OLFM2: variants seen among roughly 807,000 people sequenced by gnomAD.
OLFM2 encodes the protein olfactomedin 2.
A neutral mutation model predicts 43.9 loss-of-function variants in OLFM2; 20 were observed. The ratio of observed to expected loss-of-function variants is 0.46; its 90% CI spans 0.32 to 0.66. The LOEUF (loss-of-function observed/expected upper bound fraction) is 0.66, where lower values mean the gene tolerates loss of function less well. Among genes scored for constraint, OLFM2 ranks in the 30% least tolerant of loss-of-function variants. The pLI, the probability that OLFM2 is intolerant of heterozygous loss-of-function variation, is 0.04. For synonymous variants in OLFM2, 268 were observed against 278.6 expected (o/e 0.96, Z 0.38); for missense variants, 416 against 643.6 (o/e 0.65, Z 3.83).
rs555625506 is a variant in OLFM2, at chr19:9,906,773, T to G, written c.63+29531A>C. ...CTGCCTTTTCCCGCCTGGCTTGGCC[T>G]TCCCCATCTCCTGGGCAATCCACTC... On this transcript the variant is annotated intron_variant, in intron 1 of 5. Transcript: ENST00000264833. Among the ~76,000 whole-genome samples the G allele has an allele frequency of 2.1e-3, 315 of 152,234 alleles. 3 individuals are homozygous for G. Among genetic ancestry groups the G allele is most frequent in the Non-Finnish European group, 2.1e-3 (146 of 68,016 alleles).
intron 1 of OLFM2, among the ~76,000 whole-genome samples, chr19:9,920,257 C>T (rs1361258603): frequency 6.6e-6 from 1 of 152,086 alleles, no homozygotes; most frequent in East Asian, 1.9e-4. Flanking sequence ...CCAGCCTGGG[C>T]AACAGAGCAA....
intron 1 of OLFM2, among the ~76,000 whole-genome samples, chr19:9,893,551 A>G (rs1430946491): frequency 6.6e-6 from 1 of 152,122 alleles, no homozygotes; most frequent in Non-Finnish European, 1.5e-5. Context: ...ACCTGAGCTG[A>G]GCCTGGTCTA....
At chr19:9,913,587 CG>C in intron 1 of OLFM2, 2 of 1,300,440 alleles carry the variant, frequency 1.5e-6, no homozygotes, top group Non-Finnish European at 9.9e-7. Context: ...GTGCTCAGCA[CG>C]GCCCCGATCT....
chr19:9,931,741 A>G (rs1044233183), intron 1 of OLFM2, among the ~76,000 whole-genome samples: 1 of 151,938 alleles, frequency 6.6e-6, no homozygotes, highest in African/African-American at 2.4e-5. Flanking sequence ...ATAAAAAGAA[A>G]AAGTTATTGT....
intron 1 of OLFM2, among the ~76,000 whole-genome samples, chr19:9,932,252 C>A (rs1002388145): frequency 6.6e-6 from 1 of 151,948 alleles, no homozygotes; most frequent in African/African-American, 2.4e-5. Context: ...GAGTTCAAGA[C>A]CAGCCTGGCC....
At chr19:9,890,693 C>T (rs375028173) in intron 1 of OLFM2, among the ~76,000 whole-genome samples, 2 of 152,096 alleles carry the variant, frequency 1.3e-5, no homozygotes, top group Admixed American at 6.6e-5. Context: ...TGGCTCACAC[C>T]TGTAATCCCA....
At chr19:9,930,295 T>C (rs2145011532) in intron 1 of OLFM2, among the ~76,000 whole-genome samples, 1 of 152,374 alleles carries the variant, frequency 6.6e-6, no homozygotes, top group African/African-American at 2.4e-5. Flanking sequence ...TTATTCATTA[T>C]AGATTTTTCT....
intron 1 of OLFM2, among the ~76,000 whole-genome samples, chr19:9,909,855 C>G (rs2046814636): frequency 6.6e-6 from 1 of 152,162 alleles, no homozygotes; most frequent in African/African-American, 2.4e-5. Context: ...ACAACCCCTC[C>G]TTACTAAACA....
chr19:9,874,227 CT>C (rs1454337117), intron 1 of OLFM2, among the ~76,000 whole-genome samples: 1 of 151,702 alleles, frequency 6.6e-6, no homozygotes, highest in African/African-American at 2.4e-5. Flanking sequence ...TATCACATGT[CT>C]TTAGACTTAT....
chr19:9,879,193 C>T (rs8105434), intron 1 of OLFM2, among the ~76,000 whole-genome samples: 2,341 of 152,262 alleles, frequency 0.015, 50 homozygotes, highest in African/African-American at 0.052. Context: ...GGTACAATGG[C>T]GCAATCTCAG....
At position 9,936,300 on chromosome 19, in the gene OLFM2, C is replaced by T. The variant is rs1356950542; in HGVS notation, c.63+4G>A. ...GCGCCCGCACCTGCCCGCCGGGCCCCTACCTGTCCGGCCAGGCCTGAGCAC... is the reference window on the plus strand; with the variant it reads ...GCGCCCGCACCTGCCCGCCGGGCCCTTACCTGTCCGGCCAGGCCTGAGCAC... On this transcript the variant is annotated splice_donor_region_variant and intron_variant, in intron 1 of 5. Coordinates refer to ENST00000264833, the MANE Select transcript of OLFM2 (RefSeq NM_058164.4). The T allele has an allele frequency of 6.5e-7, 1 of 1,528,466 alleles. No individual in the cohort carries two copies. The highest frequency in any genetic ancestry group is 1.4e-5 in the African/African-American group (1 of 72,358). 94.7% of individuals were successfully genotyped at this position (1,528,466 alleles called of 1,614,324 possible). A position where few individuals can be genotyped will look rare whatever the true frequency, so the allele number is the denominator to read the frequency against.
rs113437556 is a variant in OLFM2, at chr19:9,886,936, G to A, written c.64-26142C>T. On this transcript the variant is annotated intron_variant, in intron 1 of 5. Transcript: ENST00000264833. ...TGACCTCAGGTGATCTGCCTGCCTC[G>A]GCCTCCCAGTGTTGGGATTACAGGT... Among the ~76,000 whole-genome samples the A allele has an allele frequency of 6.6e-5, 10 of 151,940 alleles. No homozygotes were observed. In the East Asian group the frequency reaches 7.8e-4, roughly 12 times the overall value.
chr19:9,913,196 T>TATTCG (rs2046842868), intron 1 of OLFM2, among the ~76,000 whole-genome samples: 1 of 152,024 alleles, frequency 6.6e-6, no homozygotes, highest in Non-Finnish European at 1.5e-5. Context: ...CCTGGTACGC[T>TATTCG]ATTCGCGCTC....
chr19:9,909,474 G>A (rs926431759), intron 1 of OLFM2, among the ~76,000 whole-genome samples: 2 of 152,056 alleles, frequency 1.3e-5, no homozygotes, highest in South Asian at 2.1e-4. Context: ...TCCTCCCCAC[G>A]TCTTCCCAGA....
chr19:9,889,920 A>AT (rs149190423), intron 1 of OLFM2, among the ~76,000 whole-genome samples: 54,275 of 147,538 alleles, frequency 0.37, 10,108 homozygotes, highest in South Asian at 0.44. Context: ...ATAAATTCCA[A>AT]TTTTTTTTTT....
chr19:9,900,882 C>T (rs2046725888), intron 1 of OLFM2, among the ~76,000 whole-genome samples: 1 of 141,164 alleles, frequency 7.1e-6, no homozygotes. Context: ...CAGAGCAAGA[C>T]CTTGTTTCAA....
At position 9,936,346 on chromosome 19, in the gene OLFM2, C is replaced by A; in HGVS notation, c.21G>T (p.Pro7=). Residue 7 remains proline, a synonymous_variant, in exon 1 of 6, where the codon CCG becomes CCT. Transcript: ENST00000264833. MWPLTV[P]PPLLLLLCSG... is the part of the protein sequence containing the mutation. ...AGCACAGCAGCAGCAGCAGCGGCGG[C>A]GGGACCGTGAGCGGCCACATGACGC... 2 of 1,503,308 alleles carry A rather than the reference C, an allele frequency of 1.3e-6. No individual in the cohort carries two copies. Among genetic ancestry groups the A allele is most frequent in the Non-Finnish European group, 1.8e-6 (2 of 1,133,264 alleles). The allele number at this position is 1,503,308 out of a possible 1,614,324, so 93.1% of individuals were successfully genotyped here. A position where few individuals can be genotyped will look rare whatever the true frequency, so the allele number is the denominator to read the frequency against.
At chr19:9,865,330 G>A (rs1353516661) in intron 1 of OLFM2, among the ~76,000 whole-genome samples, 6 of 151,032 alleles carry the variant, frequency 4.0e-5, no homozygotes, top group Non-Finnish European at 8.8e-5. Flanking sequence ...TCTCACCATC[G>A]CACCTACTAA....
rs1336344827 is a variant in OLFM2 at position 9,936,393 on chromosome 19, C to A, written c.-27G>T. The A allele has an allele frequency of 1.5e-6, 2 of 1,363,796 alleles. No homozygotes were observed. Among genetic ancestry groups the A allele is most frequent in the East Asian group, 6.5e-5 (2 of 30,916 alleles). 84.5% of individuals were successfully genotyped at this position (1,363,796 alleles called of 1,614,324 possible). A position where few individuals can be genotyped will look rare whatever the true frequency, so the allele number is the denominator to read the frequency against. On this transcript the variant is annotated 5_prime_UTR_variant, in exon 1 of 6. Coordinates refer to ENST00000264833, the MANE Select transcript of OLFM2 (RefSeq NM_058164.4). Reference sequence around the variant, plus strand: ...ACGCGCCCCTAGCCCGGCGTCCCGACCCCCGCCCGCCCTAGCGGCGCCTCG... The same window carrying A: ...ACGCGCCCCTAGCCCGGCGTCCCGAACCCCGCCCGCCCTAGCGGCGCCTCG...
Sources: gnomAD v4.1 joint callset for allele counts (sites outside exome capture counted in the v4.1 genomes callset) on GRCh38, gnomAD v4.1.1 for gene constraint, MANE v1.5 for transcripts, NCBI Gene and HGNC (gene_info 2026-07-23, HGNC 2026-07-21) for gene names.